The following TUBA1A variants were observed in gnomAD, a reference collection of about 807,000 sequenced individuals.
TUBA1A encodes the protein tubulin alpha 1a.
Under a neutral mutation model 34.6 loss-of-function variants are expected in TUBA1A, and 7 were observed. The observed-to-expected ratio is 0.20, with a 90% CI of 0.11 to 0.38. TUBA1A has a LOEUF of 0.38. Ranked by LOEUF, TUBA1A falls within the 10% of genes least tolerant of loss-of-function variation. The probability of loss-of-function intolerance (pLI) is 1.00; values close to 1 mark genes in which losing one functional copy is unlikely to be tolerated. For synonymous variants in TUBA1A, 193 were observed against 210.2 expected (o/e 0.92, Z 0.71); for missense variants, 19 against 581.3 (o/e 0.03, Z 9.95).
Position 49,186,375 on chromosome 12 carries a change from C to T in TUBA1A, c.310G>A (p.Ala104Thr). The T allele has an allele frequency of 6.2e-7, 1 of 1,613,736 alleles. No individual in the cohort carries two copies. Among genetic ancestry groups the T allele is most frequent in the Non-Finnish European group, 8.5e-7 (1 of 1,180,016 alleles). Reference sequence around the variant, plus strand: ...TTGCCAATGGTGTAGTGCCCTCGGGCATAGTTATTGGCAGCATCTTCTTTG... The same window carrying T: ...TTGCCAATGGTGTAGTGCCCTCGGGTATAGTTATTGGCAGCATCTTCTTTG... ...TGKEDAANNY[A>T]RGHYTIGKEI... Residue 104 changes from alanine to threonine, a missense_variant, in exon 3 of 4, where the codon GCC becomes ACC. Coordinates refer to ENST00000301071, the MANE Select transcript of TUBA1A (RefSeq NM_006009.4). This position sits in a 1 kb window ranked among gnomAD's most constrained non-coding sequence, Gnocchi z 6.6.
rs772809398 is a variant in TUBA1A, at chr12:49,185,136, C to G, written c.1230G>C (p.Gly410=). 36 of 1,614,106 alleles carry G rather than the reference C, an allele frequency of 2.2e-5. No individual in the cohort carries two copies. In the Admixed American group the frequency reaches 3.5e-4, roughly 16 times the overall value. Reference sequence around the variant, plus strand: ...AAAACTCACCTTCCTCCATCCCCTCCCCAACGTACCAGTGAACAAAGGCAC... The same window carrying G: ...AAAACTCACCTTCCTCCATCCCCTCGCCAACGTACCAGTGAACAAAGGCAC... ...AKRAFVHWYV[G]EGMEEGEFSE... The change falls in exon 4 of 4, where the codon GGG becomes GGC. Residue 410 remains glycine, a synonymous_variant. Transcript: ENST00000301071.
In TUBA1A at chr12:49,184,915, G is replaced by A; in HGVS notation, c.*95C>T. ...GTAATTGTATATGAGAGCATACACT[G>A]CTACATACAAATTAACTGATCAGAC... On this transcript the variant is annotated 3_prime_UTR_variant, in exon 4 of 4. Coordinates refer to ENST00000301071, the MANE Select transcript of TUBA1A (RefSeq NM_006009.4). The A allele has an allele frequency of 6.3e-7, 1 of 1,591,904 alleles. No homozygotes were observed. The highest frequency in any genetic ancestry group is 8.6e-7 in the Non-Finnish European group (1 of 1,161,066).
rs941257334 is a variant in TUBA1A, at chr12:49,188,217, G to A, written c.3+760C>T. The A allele has an allele frequency of 3.0e-6, 3 of 985,082 alleles. No homozygotes were observed. In the African/African-American group the frequency reaches 5.2e-5, roughly 17 times the overall value. 61.0% of individuals were successfully genotyped at this position (985,082 alleles called of 1,614,324 possible). A position where few individuals can be genotyped will look rare whatever the true frequency, so the allele number is the denominator to read the frequency against. On this transcript the variant is annotated intron_variant, in intron 1 of 3. Coordinates refer to ENST00000301071, the MANE Select transcript of TUBA1A (RefSeq NM_006009.4). This position sits in a 1 kb window ranked among gnomAD's most constrained non-coding sequence, Gnocchi z 4.9. ...AAAAAAAGTCATCTAACTTATAATA[G>A]TGAAGAAAACCCTTTTGGAGCCTAC... is the stretch of plus-strand genomic sequence containing the variant.
chr12:49,188,473 T>C lies in TUBA1A; in HGVS notation c.3+504A>G. 6.5e-7 allele frequency: 1 copy of C among 1,533,296 alleles called. No homozygotes were observed. The highest frequency in any genetic ancestry group is 8.7e-7 in the Non-Finnish European group (1 of 1,145,386). The allele number at this position is 1,533,296 out of a possible 1,614,324, so 95.0% of individuals were successfully genotyped here. A position where few individuals can be genotyped will look rare whatever the true frequency, so the allele number is the denominator to read the frequency against. On this transcript the variant is annotated intron_variant, in intron 1 of 3. Coordinates refer to ENST00000301071, the MANE Select transcript of TUBA1A (RefSeq NM_006009.4). This position sits in a 1 kb window ranked among gnomAD's most constrained non-coding sequence, Gnocchi z 4.9. ...CCAAAACGCCAAAGACCGCGGAGGG[T>C]CTTCCCACGCTAACCCTAGGCTGCG...
chr12:49,189,064 G>T lies in TUBA1A; in HGVS notation c.-85C>A. ...CTTACAGCGCGACTCTTAGGCGGTC[G>T]ATGTAAGAGAACCTGCGGCACATAG... On this transcript the variant is annotated 5_prime_UTR_variant, in exon 1 of 4. Coordinates refer to ENST00000301071, the MANE Select transcript of TUBA1A (RefSeq NM_006009.4). 1 of 1,572,798 alleles carries T rather than the reference G, an allele frequency of 6.4e-7. No individual in the cohort carries two copies. Among genetic ancestry groups the T allele is most frequent in the Non-Finnish European group, 8.8e-7 (1 of 1,142,674 alleles).
chr12:49,187,159 C>A, intron 1 of TUBA1A: 2 of 1,215,938 alleles, frequency 1.6e-6, no homozygotes, highest in Non-Finnish European at 2.1e-6. Context: ...GAAGTAAATC[C>A]AATTATGACT....
chr12:49,186,092 G>A lies in TUBA1A; in HGVS notation c.376-102C>T. 3.2e-6 allele frequency: 5 copies of A among 1,544,290 alleles called. No individual in the cohort carries two copies. Among genetic ancestry groups the A allele is most frequent in the Non-Finnish European group, 4.4e-6 (5 of 1,143,584 alleles). ...CTTTTCATACATCTTCCAGGACTTA[G>A]ATCTTATTTTGACAAATGCTTTTTA... On this transcript the variant is annotated intron_variant, in intron 3 of 3. Coordinates refer to ENST00000301071, the MANE Select transcript of TUBA1A (RefSeq NM_006009.4). The surrounding 1 kb of genome is among the most constrained non-coding windows in gnomAD (Gnocchi z 6.6).
intron 1 of TUBA1A, chr12:49,187,628 T>C: frequency 1.0e-6 from 1 of 984,618 alleles, no homozygotes; most frequent in Non-Finnish European, 1.2e-6. Flanking sequence ...TTTTTCCAGA[T>C]CTTCTCCACT....
chr12:49,187,841 G>A (rs910738613), intron 1 of TUBA1A: 2 of 979,370 alleles, frequency 2.0e-6, no homozygotes, highest in Non-Finnish European at 2.4e-6. Flanking sequence ...GCATCCAATA[G>A]AGGTTTTCTT....
At chr12:49,187,064 C>T in intron 1 of TUBA1A, 3 of 1,417,544 alleles carry the variant, frequency 2.1e-6, no homozygotes, top group Non-Finnish European at 2.7e-6. Flanking sequence ...GTGGTACCAG[C>T]CCATTGTGCC....
At chr12:49,187,075 T>C in intron 1 of TUBA1A, 1 of 1,398,720 alleles carries the variant, frequency 7.1e-7, no homozygotes, top group Non-Finnish European at 9.3e-7. Flanking sequence ...CCATTGTGCC[T>C]ACTACCATGC....
In TUBA1A at chr12:49,185,100, A is replaced by T; in HGVS notation, c.1266T>A (p.Arg422=). The change falls in exon 4 of 4, where the codon CGT becomes CGA. Residue 422 remains arginine (R), a synonymous_variant. Transcript: ENST00000301071. ...GMEEGEFSEA[R]EDMAALEKDY... is the part of the protein sequence containing the mutation. ...CCTTCTCAAGGGCAGCCATGTCCTC[A>T]CGGGCCTCTGAAAACTCACCTTCCT... The T allele has an allele frequency of 2.5e-6, 4 of 1,614,174 alleles. No homozygotes were observed. Among genetic ancestry groups the T allele is most frequent in the Non-Finnish European group, 3.4e-6 (4 of 1,180,036 alleles).
At chr12:49,187,032 T>C (rs2121249549) in intron 1 of TUBA1A, 199 bp from the exon 2 acceptor site, 1 of 1,456,864 alleles carries the variant, frequency 6.9e-7, no homozygotes, top group Non-Finnish European at 9.0e-7. Context: ...AATAATGATG[T>C]CGCCTTGGCC....
At position 49,188,438 on chromosome 12, in the gene TUBA1A, G is replaced by T. The variant is rs1942210364; in HGVS notation, c.3+539C>A. 2 of 1,535,808 alleles carry T rather than the reference G, an allele frequency of 1.3e-6. No homozygotes were observed. Among genetic ancestry groups the T allele is most frequent in the Admixed American group, 3.9e-5 (2 of 50,994 alleles). ...TCACCATGTTTTCCCGGGAATGTGTGGGTATCTTTCCAAAACGCCAAAGAC... is the reference window on the plus strand; with the variant it reads ...TCACCATGTTTTCCCGGGAATGTGTTGGTATCTTTCCAAAACGCCAAAGAC... On this transcript the variant is annotated intron_variant, in intron 1 of 3. Transcript: ENST00000301071. This position sits in a 1 kb window ranked among gnomAD's most constrained non-coding sequence, Gnocchi z 4.9.
rs192151179 is a variant in TUBA1A, at chr12:49,188,994, G to T, written c.-15C>A. 2 of 1,614,226 alleles carry T rather than the reference G, an allele frequency of 1.2e-6. No individual in the cohort carries two copies. The highest frequency in any genetic ancestry group is 1.1e-5 in the South Asian group (1 of 91,082). ...ATTCTCACCATGGTTGCTGCTTCGC[G>T]ACTGCCGAGCTGATGGCGGAGACGA... On this transcript the variant is annotated 5_prime_UTR_variant, in exon 1 of 4. Coordinates refer to ENST00000301071, the MANE Select transcript of TUBA1A (RefSeq NM_006009.4). This position sits in a 1 kb window ranked among gnomAD's most constrained non-coding sequence, Gnocchi z 4.9.
At chr12:49,187,159 C>T in intron 1 of TUBA1A, 11 of 1,215,938 alleles carry the variant, frequency 9.0e-6, no homozygotes, top group Non-Finnish European at 1.1e-5. Context: ...GAAGTAAATC[C>T]AATTATGACT....
rs753859336 is a variant in TUBA1A, at chr12:49,184,806, CAG to C, written c.*202_*203del. On this transcript the variant is annotated 3_prime_UTR_variant, in exon 4 of 4. Transcript: ENST00000301071. ...AACACAGGACTGAATTCATTTAAGA[CAG>C]GGAATACTTTATTCAAAACCCATCA... 152 of 794,930 alleles carry C rather than the reference CAG, an allele frequency of 1.9e-4. No individual in the cohort carries two copies. Among genetic ancestry groups the C allele is most frequent in the Admixed American group, 8.8e-4 (34 of 38,658 alleles). The allele number at this position is 794,930 out of a possible 1,614,324, so 49.2% of individuals were successfully genotyped here. A position where few individuals can be genotyped will look rare whatever the true frequency, so the allele number is the denominator to read the frequency against.
Position 49,185,649 on chromosome 12 carries a change from A to G in TUBA1A, c.717T>C (p.Thr239=). Residue 239 remains threonine (T), a synonymous_variant, in exon 4 of 4, where the codon ACT becomes ACC. Coordinates refer to ENST00000301071, the MANE Select transcript of TUBA1A (RefSeq NM_006009.4). Reference sequence around the variant, plus strand: ...GGGCTCCATCAAATCTCAGGGAAGCAGTGATGGAGGACACAATTTGACCTA... The same window carrying G: ...GGGCTCCATCAAATCTCAGGGAAGCGGTGATGGAGGACACAATTTGACCTA... The part of the protein sequence containing the change: ...RLIGQIVSSI[T]ASLRFDGALN... The G allele has an allele frequency of 1.2e-6, 2 of 1,614,056 alleles. No homozygotes were observed. Among genetic ancestry groups the G allele is most frequent in the Non-Finnish European group, 1.7e-6 (2 of 1,179,934 alleles).
chr12:49,188,360 A>C lies in TUBA1A; in HGVS notation c.3+617T>G. On this transcript the variant is annotated intron_variant, in intron 1 of 3. Coordinates refer to ENST00000301071, the MANE Select transcript of TUBA1A (RefSeq NM_006009.4). The surrounding 1 kb of genome is among the most constrained non-coding windows in gnomAD (Gnocchi z 4.9). ...AACGCCATAGAAGCCAGAAACAAAC[A>C]ACCCCGCCCCTGCGCCGCCCTGACA... 2 of 1,534,128 alleles carry C rather than the reference A, an allele frequency of 1.3e-6. No individual in the cohort carries two copies. Among genetic ancestry groups the C allele is most frequent in the South Asian group, 2.4e-5 (2 of 83,956 alleles).
Sources: gnomAD v4.1 joint callset for allele counts on GRCh38, gnomAD v4.1.1 for gene constraint, Gnocchi (gnomAD v3.1) non-coding constraint, MANE v1.5 for transcripts, NCBI Gene and HGNC (gene_info 2026-07-23, HGNC 2026-07-21) for gene names.